Variants in TBC1D14 observed in about 807,000 individuals in gnomAD.
The protein encoded by TBC1D14 is TBC1 domain family member 14.
TBC1D14 carries 26 observed loss-of-function variants against 79.0 expected under a neutral mutation model. The ratio of observed to expected loss-of-function variants is 0.33; its 90% CI spans 0.24 to 0.46. TBC1D14 has a LOEUF of 0.46. Among genes scored for constraint, TBC1D14 ranks in the 20% least tolerant of loss-of-function variants. The pLI is 1.00. For synonymous variants in TBC1D14, 394 were observed against 349.9 expected, an observed-to-expected ratio of 1.13 and a Z score of -1.40; for missense variants, 769 against 887.6, an observed-to-expected ratio of 0.87 and a Z score of 1.70.
At chr4:7,008,103 G>A (rs1377955717) in intron 9 of TBC1D14, among the ~76,000 whole-genome samples, 1 of 152,248 alleles carries the variant, frequency 6.6e-6, no homozygotes, top group Non-Finnish European at 1.5e-5. Flanking sequence ...GTACTTGGCA[G>A]ATAACAGTGC....
At chr4:6,936,593 G>A (rs1447512045) in intron 2 of TBC1D14, among the ~76,000 whole-genome samples, 2 of 152,218 alleles carry the variant, frequency 1.3e-5, no homozygotes, top group East Asian at 1.9e-4. Flanking sequence ...ATAATCATCT[G>A]TGTGAAGATT....
At chr4:7,005,158 G>A (rs1023230265) in intron 8 of TBC1D14, among the ~76,000 whole-genome samples, 6 of 152,178 alleles carry the variant, frequency 3.9e-5, no homozygotes, top group African/African-American at 9.7e-5. Flanking sequence ...CCAGCACTTT[G>A]GGAGGCTGAG....
intron 13 of TBC1D14, 42 bp downstream of exon 13, chr4:7,025,304 G>T: frequency 6.2e-7 from 1 of 1,609,972 alleles, no homozygotes; most frequent in Non-Finnish European, 8.5e-7. Flanking sequence ...AGCGTAGCCG[G>T]CAAGTGGCGC....
intron 9 of TBC1D14, chr4:7,007,618 G>C: frequency 7.8e-7 from 1 of 1,288,832 alleles, no homozygotes; most frequent in South Asian, 1.2e-5. Context: ...CTTTGGTCCT[G>C]GTGTCTGGTG....
At chr4:6,977,638 G>C (rs1453942776) in intron 3 of TBC1D14, among the ~76,000 whole-genome samples, 1 of 149,222 alleles carries the variant, frequency 6.7e-6, no homozygotes, top group Non-Finnish European at 1.5e-5. Flanking sequence ...AAAGTGAGGA[G>C]CGTCTCTGCC....
chr4:7,002,779 G>T (rs10516181), intron 7 of TBC1D14, among the ~76,000 whole-genome samples: 3 of 151,660 alleles, frequency 2.0e-5, no homozygotes, highest in African/African-American at 7.3e-5. Flanking sequence ...ATTTTACTAC[G>T]TTTCCAAGCC....
chr4:6,949,846 G>C (rs944730897), intron 2 of TBC1D14, among the ~76,000 whole-genome samples: 15 of 151,812 alleles, frequency 9.9e-5, no homozygotes, highest in Admixed American at 7.2e-4. Context: ...CAAATGTCAA[G>C]AAATGTAGAG....
At position 7,030,316 on chromosome 4, in the gene TBC1D14, G is replaced by A. The variant is rs756316952; in HGVS notation, c.2017-11G>A. 18 of 1,613,194 alleles carry A rather than the reference G, an allele frequency of 1.1e-5. 2 individuals carry two copies. The highest frequency in any genetic ancestry group is 6.7e-5 in the Admixed American group (4 of 59,990). ...TCACTTAACCTCAGCTGTCTTCCCT[G>A]TGACTTCTAGGTACTGACTGCATTG... On this transcript the variant is annotated splice_polypyrimidine_tract_variant and intron_variant, in intron 13 of 13. Coordinates refer to ENST00000409757, the MANE Select transcript of TBC1D14 (RefSeq NM_020773.3).
At chr4:6,969,181 C>T (rs972887636) in intron 3 of TBC1D14, among the ~76,000 whole-genome samples, 1 of 152,108 alleles carries the variant, frequency 6.6e-6, no homozygotes, top group African/African-American at 2.4e-5. Flanking sequence ...ATTTGAATCA[C>T]TTATTGTGTA....
rs1336050553 is a variant in TBC1D14 at position 7,010,752 on chromosome 4, A to T, written c.1618A>T (p.Met540Leu). 1 of 1,613,784 alleles carries T rather than the reference A, an allele frequency of 6.2e-7. No individual in the cohort carries two copies. Among genetic ancestry groups the T allele is most frequent in the Non-Finnish European group, 8.5e-7 (1 of 1,179,904 alleles). The change falls in exon 11 of 14, where the codon ATG (methionine) becomes TTG (leucine). Residue 540 changes from methionine to leucine, a missense_variant. By Grantham distance (15) the Met-to-Leu change is conservative. Transcript: ENST00000409757. ...TAACCTTCTGAATAAACCCTGTCAAATGGCGTTTTTTAGAGTGGACCATGG... is the reference window on the plus strand; with the variant it reads ...TAACCTTCTGAATAAACCCTGTCAATTGGCGTTTTTTAGAGTGGACCATGG... Reference protein sequence around the residue: ...FSNLLNKPCQMAFFRVDHGLM... With the variant: ...FSNLLNKPCQLAFFRVDHGLM...
chr4:6,922,666 G>C (rs915394961), intron 1 of TBC1D14, among the ~76,000 whole-genome samples: 14 of 152,166 alleles, frequency 9.2e-5, no homozygotes, highest in African/African-American at 3.1e-4. Context: ...CTCAGAACAA[G>C]TAGATCCTTG....
chr4:6,986,006 A>G (rs1022707583), intron 3 of TBC1D14, among the ~76,000 whole-genome samples: 1 of 152,182 alleles, frequency 6.6e-6, no homozygotes, highest in Non-Finnish European at 1.5e-5. Flanking sequence ...CGACATCCAA[A>G]GTTTTATTTT....
intron 3 of TBC1D14, among the ~76,000 whole-genome samples, chr4:6,977,106 C>T (rs550622413): frequency 1.3e-4 from 7 of 53,948 alleles, no homozygotes; most frequent in African/African-American, 3.4e-4. Context: ...CTCCCTCTCC[C>T]CACGGTCTCC....
At chr4:6,965,649 T>C (rs754105144) in intron 2 of TBC1D14, among the ~76,000 whole-genome samples, 4 of 152,178 alleles carry the variant, frequency 2.6e-5, no homozygotes, top group Non-Finnish European at 5.9e-5. Flanking sequence ...TCCAATGATA[T>C]CGCCTTAGCC....
chr4:6,939,836 C>T (rs1442296048), intron 2 of TBC1D14, among the ~76,000 whole-genome samples: 3 of 152,176 alleles, frequency 2.0e-5, no homozygotes, highest in Admixed American at 6.5e-5. Context: ...GGTGGGAAAG[C>T]AGCATTTGAG....
chr4:6,997,485 G>C (rs916202549), intron 5 of TBC1D14, among the ~76,000 whole-genome samples: 2 of 152,140 alleles, frequency 1.3e-5, no homozygotes, highest in African/African-American at 4.8e-5. Flanking sequence ...AATTAGCCAG[G>C]TGTGGTGGCA....
intron 12 of TBC1D14, among the ~76,000 whole-genome samples, chr4:7,018,934 G>GCTAAAAA (rs1721542404): frequency 6.6e-6 from 1 of 152,166 alleles, no homozygotes; most frequent in Non-Finnish European, 1.5e-5. Flanking sequence ...AAAGAATCGG[G>GCTAAAAA]GACTACATTC....
chr4:6,985,346 T>C (rs1717727402), intron 3 of TBC1D14, among the ~76,000 whole-genome samples: 2 of 152,246 alleles, frequency 1.3e-5, no homozygotes, highest in Non-Finnish European at 1.5e-5. Context: ...TAATTATATG[T>C]CCCTTTATTC....
intron 2 of TBC1D14, among the ~76,000 whole-genome samples, chr4:6,956,136 C>G (rs1001660135): frequency 5.3e-5 from 8 of 152,160 alleles, no homozygotes; most frequent in African/African-American, 1.9e-4. Context: ...CATAGCCCCC[C>G]GACTTGTACT....
Sources: allele counts gnomAD v4.1 joint callset (sites outside exome capture counted in the v4.1 genomes callset), GRCh38; gene constraint gnomAD v4.1.1; transcripts MANE v1.5; gene names NCBI Gene and HGNC (gene_info 2026-07-23, HGNC 2026-07-21).